The following CASP8 variants were observed in gnomAD, a reference collection of about 807,000 sequenced individuals.
CASP8 encodes the protein caspase-8.
In CASP8, 24 loss-of-function variants were observed where a neutral mutation model predicts 46.3. The observed-to-expected ratio is 0.52, with a 90% CI of 0.38 to 0.73. CASP8 has a LOEUF of 0.73. CASP8 is among the 30% of genes least tolerant of loss of function. The pLI is 0.00. For synonymous variants in CASP8, 188 were observed against 200.4 expected (o/e 0.94, Z 0.52); for missense variants, 460 against 559.0 (o/e 0.82, Z 1.79).
rs1459149975 is a variant in CASP8 at position 201,276,969 on chromosome 2, G to C, written c.802+1G>C. 1 of 1,607,742 alleles carries C rather than the reference G, an allele frequency of 6.2e-7. No homozygotes were observed. Among genetic ancestry groups the C allele is most frequent in the East Asian group, 2.2e-5 (1 of 44,844 alleles). ...AGGAATGGAACACACTTGGATGCAGGTACAGTAGAACCCAAAAGAGAAAAG... is the reference window on the plus strand; with the variant it reads ...AGGAATGGAACACACTTGGATGCAGCTACAGTAGAACCCAAAAGAGAAAAG... On this transcript the variant is annotated splice_donor_variant, in intron 7 of 8. Coordinates refer to ENST00000673742, the MANE Select transcript of CASP8 (RefSeq NM_001372051.1). LOFTEE classifies it high-confidence loss of function.
intron 7 of CASP8, among the ~76,000 whole-genome samples, chr2:201,283,404 C>T (rs1325128048): frequency 1.6e-5 from 1 of 61,154 alleles, no homozygotes; most frequent in Non-Finnish European, 3.9e-5. Context: ...GCTGACCCCC[C>T]ACCTCCCTCC....
At chr2:201,246,971 T>C (rs1226059411) in intron 2 of CASP8, among the ~76,000 whole-genome samples, 1 of 151,710 alleles carries the variant, frequency 6.6e-6, no homozygotes, top group East Asian at 1.9e-4. Context: ...CCGAGGTGGG[T>C]GGATCACGAG....
At chr2:201,269,687 A>G (rs887677560) in intron 2 of CASP8, 10 of 909,130 alleles carry the variant, frequency 1.1e-5, no homozygotes, top group Admixed American at 4.0e-5. Flanking sequence ...CTTGTTCATT[A>G]TCATTGAATA....
rs1576329197 is a variant in CASP8 at position 201,272,563 on chromosome 2, A to T, written c.412-75A>T. 2 of 1,552,206 alleles carry T rather than the reference A, an allele frequency of 1.3e-6. No homozygotes were observed. Among genetic ancestry groups the T allele is most frequent in the East Asian group, 4.5e-5 (2 of 44,488 alleles). On this transcript the variant is annotated intron_variant, in intron 3 of 8. Transcript: ENST00000673742. This position sits in a 1 kb window ranked among gnomAD's most constrained non-coding sequence, Gnocchi z 4.4. ...AGGTCCTTGGTTGGAGAAATTGGAA[A>T]TTAAAAAAAAAAATCTAATCTAAAA...
chr2:201,236,898 G>C (rs914866175), intron 2 of CASP8, among the ~76,000 whole-genome samples: 10 of 152,142 alleles, frequency 6.6e-5, no homozygotes, highest in South Asian at 2.1e-4. Context: ...GGGCCACTGT[G>C]CCTGGCCAGA....
intron 2 of CASP8, among the ~76,000 whole-genome samples, chr2:201,237,085 ATTTTTTT>A (rs34775964): frequency 9.1e-5 from 8 of 88,084 alleles, no homozygotes; most frequent in East Asian, 2.9e-4. Context: ...ACCCCTTTCT[ATTTTTTT>A]TTTTTTTTTT....
chr2:201,275,344 C>T (rs985996716), intron 6 of CASP8, among the ~76,000 whole-genome samples: 3 of 152,178 alleles, frequency 2.0e-5, no homozygotes, highest in East Asian at 1.9e-4. Flanking sequence ...TTCAAAAATG[C>T]TTCTCCTTGG....
chr2:201,284,951 G>A lies in CASP8; in HGVS notation c.938G>A (p.Cys313Tyr), dbSNP rs1225512894. 14 of 1,614,114 alleles carry A rather than the reference G, an allele frequency of 8.7e-6. No individual in the cohort carries two copies. Among genetic ancestry groups the A allele is most frequent in the Non-Finnish European group, 1.2e-5 (14 of 1,180,028 alleles). Residue 313 changes from cysteine (C) to tyrosine (Y), a missense_variant, in exon 8 of 9, where the codon TGT becomes TAT. Physicochemically the swap from Cys to Tyr is radical, Grantham distance 194. Transcript: ENST00000673742. The stretch of plus-strand genomic sequence containing the variant: ...AGTAACATGGACTGCTTCATCTGCT[G>A]TATCCTCTCCCATGGAGACAAGGGC... Reference protein sequence around the residue: ...DHSNMDCFICCILSHGDKGII... With the variant: ...DHSNMDCFICYILSHGDKGII...
At position 201,285,005 on chromosome 2, in the gene CASP8, C is replaced by T. The variant is rs1162874179; in HGVS notation, c.992C>T (p.Ala331Val). 6.2e-7 allele frequency: 1 copy of T among 1,614,078 alleles called. No individual in the cohort carries two copies. Among genetic ancestry groups the T allele is most frequent in the Admixed American group, 1.7e-5 (1 of 60,014 alleles). The change falls in exon 8 of 9, where the codon GCC (alanine) becomes GTC (valine). Residue 331 changes from alanine to valine, a missense_variant. Coordinates refer to ENST00000673742, the MANE Select transcript of CASP8 (RefSeq NM_001372051.1). ...GIIYGTDGQE[A>V]PIYELTSQFT... ...ATCTATGGCACTGATGGACAGGAGGCCCCCATCTATGAGCTGACATCTCAG... is the reference window on the plus strand; with the variant it reads ...ATCTATGGCACTGATGGACAGGAGGTCCCCATCTATGAGCTGACATCTCAG...
intron 1 of CASP8, among the ~76,000 whole-genome samples, chr2:201,265,693 T>C (rs1320527837): frequency 6.6e-6 from 1 of 152,152 alleles, no homozygotes; most frequent in African/African-American, 2.4e-5. Flanking sequence ...CTTTGTGACA[T>C]GGTACCTGGC....
At position 201,273,358 on chromosome 2, in the gene CASP8, C is replaced by T. The variant is rs372889553; in HGVS notation, c.595+416C>T. Among the ~76,000 whole-genome samples the T allele has an allele frequency of 2.5e-4, 38 of 152,288 alleles. 1 individual carries two copies. Among genetic ancestry groups the T allele is most frequent in the African/African-American group, 8.9e-4 (37 of 41,558 alleles). On this transcript the variant is annotated intron_variant, in intron 5 of 8. Coordinates refer to ENST00000673742, the MANE Select transcript of CASP8 (RefSeq NM_001372051.1). ...ACAGGCATGAGCCACTGCGCCCGGCCGCACCTGCTCTCCTAAGACCTGTAG... is the reference window on the plus strand; with the variant it reads ...ACAGGCATGAGCCACTGCGCCCGGCTGCACCTGCTCTCCTAAGACCTGTAG...
At chr2:201,281,904 G>A (rs757136480) in intron 7 of CASP8, 3 of 1,457,080 alleles carry the variant, frequency 2.1e-6, no homozygotes, top group Non-Finnish European at 2.7e-6. Flanking sequence ...AATATAGAGG[G>A]TTTTGCTCTT....
rs1318095214 is a variant in CASP8 at position 201,283,289 on chromosome 2, T to C, written c.803-1527T>C. The stretch of plus-strand genomic sequence containing the variant: ...GGGGGTTGAACCCCCACCTCCCTCC[T>C]GGACGGGGCGACTGGCCGGGCAGAG... On this transcript the variant is annotated intron_variant, in intron 7 of 8. Transcript: ENST00000673742. Among the ~76,000 whole-genome samples the C allele has an allele frequency of 8.0e-3, 606 of 75,338 alleles. 11 individuals are homozygous for C. The highest frequency in any genetic ancestry group is 0.028 in the African/African-American group (493 of 17,908). The allele number at this position is 75,338 out of a possible 152,430, so 49.4% of individuals were successfully genotyped here.
At chr2:201,262,507 A>G (rs1450390482) in intron 1 of CASP8, among the ~76,000 whole-genome samples, 2 of 152,060 alleles carry the variant, frequency 1.3e-5, no homozygotes, top group African/African-American at 4.8e-5. Flanking sequence ...TTACATGGCA[A>G]CATATTCAAA....
At chr2:201,258,524 C>T (rs1947151565), upstream of CASP8, 5 of 940,638 alleles carry the variant, frequency 5.3e-6, no homozygotes, top group South Asian at 2.7e-5. Context: ...TGCTGCCTGG[C>T]CCAGGTCTCC....
At chr2:201,258,247 A>G, upstream of CASP8, 1 of 1,606,958 alleles carries the variant, frequency 6.2e-7, no homozygotes. Context: ...GGGAGGCAGA[A>G]GAGCCAGGGT....
chr2:201,276,296 G>A lies in CASP8; in HGVS notation c.661-531G>A, dbSNP rs34793336. On this transcript the variant is annotated intron_variant, in intron 6 of 8. Transcript: ENST00000673742. Reference sequence around the variant, plus strand: ...CAGCCACCGTGGTCCTGAGAGCTGGGTTAAGCCATCACCTTTAAAATCCTG... The same window carrying A: ...CAGCCACCGTGGTCCTGAGAGCTGGATTAAGCCATCACCTTTAAAATCCTG... 3.3e-5 allele frequency among the ~76,000 whole-genome samples: 5 copies of A among 152,188 alleles called. 1 individual carries two copies. The highest frequency in any genetic ancestry group is 3.3e-4 in the Admixed American group (5 of 15,278).
chr2:201,258,414 A>G (rs1284392552), upstream of CASP8: 1 of 1,613,222 alleles, frequency 6.2e-7, no homozygotes, highest in East Asian at 2.2e-5. Context: ...GGCCTCTTCA[A>G]CAGGAAACCA....
intron 2 of CASP8, among the ~76,000 whole-genome samples, chr2:201,268,603 G>A (rs1281917599): frequency 6.6e-6 from 1 of 152,134 alleles, no homozygotes; most frequent in Non-Finnish European, 1.5e-5. Context: ...TAGGGCTGCT[G>A]TAACAAAGTA....
Sources: gnomAD v4.1 joint callset for allele counts (sites outside exome capture counted in the v4.1 genomes callset) on GRCh38, gnomAD v4.1.1 for gene constraint, Gnocchi (gnomAD v3.1) non-coding constraint, MANE v1.5 for transcripts, NCBI Gene and HGNC (gene_info 2026-07-23, HGNC 2026-07-21) for gene names.